Variants in DISP1 observed in about 807,000 individuals in gnomAD.
DISP1 encodes protein dispatched homolog 1.
In DISP1, 30 loss-of-function variants were observed where a neutral mutation model predicts 37.3. The ratio of observed to expected loss-of-function variants is 0.80; its 90% confidence interval spans 0.60 to 1.09. The LOEUF is 1.09. DISP1 is among the 50% of genes least tolerant of loss of function. DISP1 has a pLI of 0.00. For synonymous variants in DISP1, 634 were observed against 690.2 expected, an observed-to-expected ratio of 0.92 and a Z score of 1.28; for missense variants, 1,598 against 1,879.5, an observed-to-expected ratio of 0.85 and a Z score of 2.77.
chr1:222,984,421 A>AAATATATAT (rs1553254646), intron 4 of DISP1, among the ~76,000 whole-genome samples: 1 of 105,798 alleles, frequency 9.5e-6, no homozygotes, highest in Non-Finnish European at 1.8e-5. Flanking sequence ...AAAAAAAAAA[A>AAATATATAT]ATATATATAT....
chr1:222,995,127 T>C (rs1250920278), intron 8 of DISP1, 145 bp downstream of exon 8: 1 of 680,954 alleles, frequency 1.5e-6, no homozygotes, highest in Non-Finnish European at 2.6e-6. Flanking sequence ...AGGCCAGCTT[T>C]GCATTCTTTC....
At chr1:222,951,067 A>T (rs1312632091) in intron 3 of DISP1, among the ~76,000 whole-genome samples, 1 of 152,172 alleles carries the variant, frequency 6.6e-6, no homozygotes, top group Admixed American at 6.5e-5. Flanking sequence ...AGGTGATTTC[A>T]TAGACAGATG....
intron 1 of DISP1, among the ~76,000 whole-genome samples, chr1:222,901,852 A>G (rs1192602069): frequency 6.6e-5 from 10 of 152,354 alleles, no homozygotes; most frequent in Middle Eastern, 3.4e-3. Context: ...GAAATGCTAC[A>G]AAAGCATATA....
chr1:222,913,761 A>AG (rs926366830), intron 1 of DISP1, among the ~76,000 whole-genome samples: 21 of 150,588 alleles, frequency 1.4e-4, no homozygotes, highest in Non-Finnish European at 7.4e-5. Context: ...AGAAAAAAAA[A>AG]AGGAGTGAAT....
At chr1:222,984,435 T>TATATATATAGAGAG (rs67660273) in intron 4 of DISP1, among the ~76,000 whole-genome samples, 44 of 108,368 alleles carry the variant, frequency 4.1e-4, no homozygotes, top group Non-Finnish European at 6.6e-4. Context: ...TATATATATA[T>TATATATATAGAGAG]AGAGAGAGAG....
intron 2 of DISP1, among the ~76,000 whole-genome samples, chr1:222,937,928 C>T (rs1003206290): frequency 1.3e-5 from 2 of 151,292 alleles, no homozygotes; most frequent in African/African-American, 4.9e-5. Flanking sequence ...GGCTGGAATG[C>T]AGTGGTGTGT....
chr1:222,986,055 A>G (rs1177296149), intron 4 of DISP1, among the ~76,000 whole-genome samples: 2 of 152,206 alleles, frequency 1.3e-5, no homozygotes, highest in Admixed American at 6.5e-5. Flanking sequence ...TTAGGAAGAA[A>G]GAGGTAGCTA....
At chr1:222,990,539 A>G (rs1030859031) in intron 4 of DISP1, 86 bp from the exon 5 acceptor site, 15 of 1,608,700 alleles carry the variant, frequency 9.3e-6, no homozygotes, top group Non-Finnish European at 1.3e-5. Context: ...TACCAAAAAT[A>G]TTTCTGCGAA....
intron 1 of DISP1, among the ~76,000 whole-genome samples, chr1:222,853,419 A>G (rs1346744790): frequency 6.6e-6 from 1 of 152,202 alleles, no homozygotes. Context: ...AGGAAAGGAA[A>G]TATCAATGAG....
intron 3 of DISP1, among the ~76,000 whole-genome samples, chr1:222,966,403 A>G (rs1676492216): frequency 6.6e-6 from 1 of 152,208 alleles, no homozygotes; most frequent in South Asian, 2.1e-4. Context: ...ATACCTCATA[A>G]GTCATTGGAA....
At chr1:222,958,783 A>G (rs1675811725) in intron 3 of DISP1, among the ~76,000 whole-genome samples, 1 of 152,178 alleles carries the variant, frequency 6.6e-6, no homozygotes, top group African/African-American at 2.4e-5. Flanking sequence ...TCAGTATCCC[A>G]TAAAGGTTTC....
intron 2 of DISP1, among the ~76,000 whole-genome samples, chr1:222,935,490 A>G (rs1188076904): frequency 6.6e-6 from 1 of 152,122 alleles, no homozygotes; most frequent in East Asian, 1.9e-4. Flanking sequence ...TAGAATCTCT[A>G]TGTTGTTTTC....
intron 4 of DISP1, among the ~76,000 whole-genome samples, chr1:222,987,880 G>C (rs1384800963): frequency 6.6e-6 from 1 of 151,850 alleles, no homozygotes; most frequent in Non-Finnish European, 1.5e-5. Flanking sequence ...AAATGTAAAG[G>C]ACTCTTTTTA....
chr1:222,868,219 TA>T lies in DISP1; in HGVS notation c.-159+53151del, dbSNP rs140791197. Among the ~76,000 whole-genome samples, 1,451 of 146,456 alleles carry T rather than the reference TA, an allele frequency of 9.9e-3. 19 individuals are homozygous for T. Among genetic ancestry groups the T allele is most frequent in the African/African-American group, 0.034 (1,355 of 40,108 alleles). ...GCAACATAGCGAGACCCTCATCTCT[TA>T]AAAAAAAAAGACTCAAGTAGCTCTG... On this transcript the variant is annotated intron_variant, in intron 1 of 8. Transcript: ENST00000675850.
chr1:222,961,616 A>C lies in DISP1; in HGVS notation c.509+18284A>C, dbSNP rs1676061780. Among the ~76,000 whole-genome samples the C allele has an allele frequency of 2.0e-5, 3 of 152,360 alleles. 1 individual carries two copies. In the South Asian group the frequency reaches 6.2e-4, roughly 32 times the overall value. On this transcript the variant is annotated intron_variant, in intron 3 of 8. Transcript: ENST00000675850. Reference sequence around the variant, plus strand: ...CAATATAGTATTGGAAGTTCTGGCCAGGACAAGCAGGCAAGAGAAAGAAAT... The same window carrying C: ...CAATATAGTATTGGAAGTTCTGGCCCGGACAAGCAGGCAAGAGAAAGAAAT...
Position 222,922,179 on chromosome 1 carries a change from C to A in DISP1, c.-158-6251C>A, listed in dbSNP as rs571494268. On this transcript the variant is annotated intron_variant, in intron 1 of 8. Coordinates refer to ENST00000675850, the MANE Select transcript of DISP1 (RefSeq NM_001377229.1). ...GCAGTGAGTGGGAGGGGAAAGAGCCCAGATAATGGAGAATCTTGTGTGCCA... is the reference window on the plus strand; with the variant it reads ...GCAGTGAGTGGGAGGGGAAAGAGCCAAGATAATGGAGAATCTTGTGTGCCA... Among the ~76,000 whole-genome samples the A allele has an allele frequency of 2.0e-5, 3 of 151,852 alleles. No homozygotes were observed. The South Asian group carries it at 6.3e-4, about 32-fold the overall frequency.
chr1:222,902,523 C>A (rs1572467199), intron 1 of DISP1, among the ~76,000 whole-genome samples: 1 of 151,984 alleles, frequency 6.6e-6, no homozygotes, highest in East Asian at 1.9e-4. Flanking sequence ...AGGCAACCTA[C>A]AAAATGGGAG....
chr1:222,873,240 T>G (rs1156908172), intron 1 of DISP1, among the ~76,000 whole-genome samples: 1 of 152,216 alleles, frequency 6.6e-6, no homozygotes, highest in Non-Finnish European at 1.5e-5. Flanking sequence ...CTGAAAAGAA[T>G]GTATATTCTG....
intron 1 of DISP1, among the ~76,000 whole-genome samples, chr1:222,859,884 A>G (rs926122498): frequency 2.0e-5 from 3 of 152,166 alleles, no homozygotes; most frequent in South Asian, 2.1e-4. Flanking sequence ...CTATTTATTC[A>G]TTGTCTGTCA....
Sources: gnomAD v4.1 joint callset for allele counts (sites outside exome capture counted in the v4.1 genomes callset) on GRCh38, gnomAD v4.1.1 for gene constraint, MANE v1.5 for transcripts, NCBI Gene and HGNC (gene_info 2026-07-23, HGNC 2026-07-21) for gene names.